Variants in AGTPBP1 observed in about 807,000 individuals in gnomAD.
AGTPBP1 encodes the protein cytosolic carboxypeptidase 1.
In AGTPBP1, 70 loss-of-function variants were observed where a neutral mutation model predicts 143.9. The ratio of observed to expected loss-of-function variants is 0.49; its 90% confidence interval spans 0.40 to 0.59. The LOEUF (loss-of-function observed/expected upper bound fraction) is 0.59. Among genes scored for constraint, AGTPBP1 ranks in the 20% least tolerant of loss-of-function variants. The pLI, the probability that AGTPBP1 is intolerant of heterozygous loss-of-function variation, is 0.00. For synonymous variants in AGTPBP1, 463 were observed against 500.2 expected (o/e 0.93, Z 0.99); for missense variants, 1,229 against 1,464.5 (o/e 0.84, Z 2.62).
chr9:85,664,469 A>C (rs1488767320), intron 8 of AGTPBP1, among the ~76,000 whole-genome samples: 1 of 152,204 alleles, frequency 6.6e-6, no homozygotes, highest in Non-Finnish European at 1.5e-5. Context: ...TAAAGAAATT[A>C]AAACATTTTT....
intron 13 of AGTPBP1, among the ~76,000 whole-genome samples, chr9:85,640,464 T>C (rs918102078): frequency 2.0e-5 from 3 of 152,254 alleles, no homozygotes; most frequent in African/African-American, 7.2e-5. Context: ...TGTGTACTAC[T>C]TGAAATATCT....
intron 1 of AGTPBP1, among the ~76,000 whole-genome samples, chr9:85,733,636 G>C (rs1163036018): frequency 6.6e-6 from 1 of 152,046 alleles, no homozygotes; most frequent in Non-Finnish European, 1.5e-5. Context: ...TTAAAATAGA[G>C]ACTAGAAAAA....
the AGTPBP1 span, among the ~76,000 whole-genome samples, chr9:85,773,264 C>CAA: frequency 1.9e-4 from 9 of 46,774 alleles, no homozygotes; most frequent in Admixed American, 4.4e-4. Flanking sequence ...GACTCCTTCT[C>CAA]AAAAAAAAAA....
chr9:85,655,463 A>C, intron 10 of AGTPBP1, 143 bp from the exon 11 acceptor site: 1 of 730,324 alleles, frequency 1.4e-6, no homozygotes, highest in Non-Finnish European at 2.1e-6. Flanking sequence ...CAGAATAATT[A>C]CAAAATAGCT....
the AGTPBP1 span, among the ~76,000 whole-genome samples, chr9:85,795,370 G>C: frequency 6.6e-6 from 1 of 152,138 alleles, no homozygotes; most frequent in Non-Finnish European, 1.5e-5. Context: ...ATAAACTTCT[G>C]TGTGCTAGGT....
At chr9:85,694,046 G>C (rs941511643) in intron 2 of AGTPBP1, among the ~76,000 whole-genome samples, 1 of 149,858 alleles carries the variant, frequency 6.7e-6, no homozygotes, top group South Asian at 2.1e-4. Flanking sequence ...GTCAGAGTTG[G>C]GGGTAGGCAT....
chr9:85,624,635 T>G (rs2133598079), intron 14 of AGTPBP1, among the ~76,000 whole-genome samples: 1 of 152,244 alleles, frequency 6.6e-6, no homozygotes, highest in Admixed American at 6.5e-5. Flanking sequence ...AAATCCAGAG[T>G]TTTGTTTTCT....
intron 17 of AGTPBP1, among the ~76,000 whole-genome samples, chr9:85,603,967 C>A (rs117437378): frequency 1.3e-5 from 2 of 152,176 alleles, no homozygotes; most frequent in African/African-American, 4.8e-5. Context: ...TTAGCTGCAG[C>A]AGAATAGAAC....
At chr9:85,610,494 CTT>C (rs1161186813) in intron 17 of AGTPBP1, among the ~76,000 whole-genome samples, 1 of 152,104 alleles carries the variant, frequency 6.6e-6, no homozygotes, top group African/African-American at 2.4e-5. Context: ...AATAGAATCA[CTT>C]TTAAAAAGCT....
intron 9 of AGTPBP1, among the ~76,000 whole-genome samples, chr9:85,658,128 TTG>T (rs1435417249): frequency 1.3e-5 from 2 of 152,138 alleles, no homozygotes; most frequent in African/African-American, 4.8e-5. Flanking sequence ...ATTGCAAACT[TTG>T]TGTTTCCACT....
intron 13 of AGTPBP1, among the ~76,000 whole-genome samples, chr9:85,639,498 C>T (rs1476561648): frequency 2.0e-5 from 3 of 152,092 alleles, no homozygotes; most frequent in Non-Finnish European, 4.4e-5. Context: ...AGTCAAGACA[C>T]AGCACTTTAA....
chr9:85,761,676 A>G, the AGTPBP1 span, among the ~76,000 whole-genome samples: 7 of 152,240 alleles, frequency 4.6e-5, no homozygotes, highest in Non-Finnish European at 1.0e-4. Context: ...AAACCCTAGA[A>G]GAAAACCTAG....
At chr9:85,617,959 G>C (rs531675486) in intron 17 of AGTPBP1, among the ~76,000 whole-genome samples, 6 of 152,144 alleles carry the variant, frequency 3.9e-5, no homozygotes, top group Non-Finnish European at 4.4e-5. Context: ...TAAATTTCTA[G>C]CTGGGCGCAC....
In AGTPBP1 at chr9:85,589,574, T is replaced by C. The variant is rs749713537; in HGVS notation, c.2676A>G (p.Ile892Met). 6.2e-7 allele frequency: 1 copy of C among 1,613,308 alleles called. No homozygotes were observed. The highest frequency in any genetic ancestry group is 1.1e-5 in the South Asian group (1 of 90,944). The change falls in exon 20 of 26, where the codon ATA becomes ATG. Residue 892 changes from isoleucine (I) to methionine (M), a missense_variant. Around this residue, in one of 2 missense-constraint regions of AGTPBP1, gnomAD observed 486 missense variants for 652.3 expected, o/e 0.75. Coordinates refer to ENST00000357081, the MANE Select transcript of AGTPBP1 (RefSeq NM_001330701.2). ...LSGNSCPLVTITAMPESNYYE... is the reference protein window; with the variant it reads ...LSGNSCPLVTMTAMPESNYYE... ...AATAATTAGACTCTGGCATTGCTGT[T>C]ATAGTCACCAAGGGGCAGCTGTTTC...
At position 85,596,393 on chromosome 9, in the gene AGTPBP1, T is replaced by A. The variant is rs1382525699; in HGVS notation, c.2392A>T (p.Ile798Phe). The stretch of plus-strand genomic sequence containing the variant: ...TAACAAATGTCAGTCCCCATACGAA[T>A]CCACCATGGTCTGGCATTTAATGCT... ...QEALNARPWW[I>F]RMGTDICYYK... is the part of the protein sequence containing the mutation. The change falls in exon 18 of 26, where the codon ATT becomes TTT. Residue 798 changes from isoleucine to phenylalanine, a missense_variant. Physicochemically the swap from Ile to Phe is conservative, Grantham distance 21. Around this residue, in one of 2 missense-constraint regions of AGTPBP1, gnomAD observed 486 missense variants for 652.3 expected, o/e 0.75. Coordinates refer to ENST00000357081, the MANE Select transcript of AGTPBP1 (RefSeq NM_001330701.2). 2.5e-6 allele frequency: 4 copies of A among 1,610,848 alleles called. No homozygotes were observed. Among genetic ancestry groups the A allele is most frequent in the Non-Finnish European group, 3.4e-6 (4 of 1,178,608 alleles).
At chr9:85,627,780 T>C (rs1831395136) in intron 14 of AGTPBP1, among the ~76,000 whole-genome samples, 1 of 152,240 alleles carries the variant, frequency 6.6e-6, no homozygotes, top group South Asian at 2.1e-4. Flanking sequence ...TTAGTAAACA[T>C]ATTTTCTGTT....
At chr9:85,756,747 G>A in the AGTPBP1 span, among the ~76,000 whole-genome samples, 1 of 152,144 alleles carries the variant, frequency 6.6e-6, no homozygotes, top group Non-Finnish European at 1.5e-5. Context: ...CCATACAATA[G>A]CATATTATTT....
chr9:85,590,167 G>A (rs1410932666), intron 19 of AGTPBP1, among the ~76,000 whole-genome samples: 1 of 151,592 alleles, frequency 6.6e-6, no homozygotes, highest in African/African-American at 2.4e-5. Flanking sequence ...AGATTAATAC[G>A]GGTTTGTTGT....
At position 85,650,043 on chromosome 9, in the gene AGTPBP1, T is replaced by TC. The variant is rs34542431; in HGVS notation, c.1088-3626_1088-3625insG. 3.7e-3 allele frequency among the ~76,000 whole-genome samples: 166 copies of TC among 44,740 alleles called. 1 individual carries two copies. Among genetic ancestry groups the TC allele is most frequent in the African/African-American group, 0.013 (159 of 12,378 alleles). 29.4% of individuals were successfully genotyped at this position (44,740 alleles called of 152,430 possible). The stretch of plus-strand genomic sequence containing the variant: ...CATCATGCTAGCTTCTAAACTTTCC[T>TC]TTTTTTTTTTTTTTTTTTTTCTTGC... On this transcript the variant is annotated intron_variant, in intron 11 of 25. Coordinates refer to ENST00000357081, the MANE Select transcript of AGTPBP1 (RefSeq NM_001330701.2).
Sources: gnomAD v4.1 joint callset for allele counts (sites outside exome capture counted in the v4.1 genomes callset) on GRCh38, gnomAD v4.1.1 for gene constraint, gnomAD v4.1.1 regional missense constraint, MANE v1.5 for transcripts, NCBI Gene and HGNC (gene_info 2026-07-23, HGNC 2026-07-21) for gene names.